Variants in ABCC9 observed in about 807,000 individuals in gnomAD.
The protein encoded by ABCC9 is ATP-binding cassette sub-family C member 9.
A neutral mutation model predicts 188.3 loss-of-function variants in ABCC9; 95 were observed. That is an observed-to-expected ratio of 0.50 (90% confidence interval 0.43 to 0.60). ABCC9 has a LOEUF of 0.60. Ranked by LOEUF, ABCC9 falls within the 20% of genes least tolerant of loss-of-function variation. ABCC9 has a pLI of 0.00. For synonymous variants in ABCC9, 659 were observed against 652.7 expected (o/e 1.01, Z -0.15); for missense variants, 1,102 against 1,876.3 (o/e 0.59, Z 7.62).
intron 22 of ABCC9, among the ~76,000 whole-genome samples, chr12:21,857,014 C>A (rs1945260342): frequency 1.3e-5 from 2 of 152,126 alleles, no homozygotes; most frequent in Admixed American, 1.3e-4. Flanking sequence ...TGGGATAATA[C>A]TGTACCTTGT....
intron 31 of ABCC9, among the ~76,000 whole-genome samples, chr12:21,820,720 G>GGTCTCT (rs1942989227): frequency 6.6e-6 from 1 of 151,980 alleles, no homozygotes; most frequent in South Asian, 2.1e-4. Flanking sequence ...CTTGTCGGTA[G>GGTCTCT]GTCTCTGATA....
intron 21 of ABCC9, among the ~76,000 whole-genome samples, chr12:21,860,561 T>C (rs535886425): frequency 6.6e-6 from 1 of 152,242 alleles, no homozygotes; most frequent in South Asian, 2.1e-4. Flanking sequence ...ATGACATCAA[T>C]GCAAAACATG....
intron 39 of ABCC9, among the ~76,000 whole-genome samples, chr12:21,803,119 A>G (rs1486309183): frequency 2.0e-5 from 3 of 151,830 alleles, no homozygotes; most frequent in African/African-American, 7.2e-5. Flanking sequence ...AAGATTTTGG[A>G]GCCTAATGTT....
At chr12:21,875,573 T>C in intron 17 of ABCC9, 81 bp downstream of exon 17, 3 of 1,068,824 alleles carry the variant, frequency 2.8e-6, no homozygotes, top group Non-Finnish European at 4.3e-6. Context: ...AAAAAGTATC[T>C]TTTTGTTAGG....
chr12:21,930,092 T>A (rs758601308), intron 4 of ABCC9, among the ~76,000 whole-genome samples: 5 of 151,734 alleles, frequency 3.3e-5, no homozygotes, highest in Non-Finnish European at 5.9e-5. Context: ...TGTTTGGTTG[T>A]CTTTGCAATA....
At position 21,915,863 on chromosome 12, in the gene ABCC9, G is replaced by A; in HGVS notation, c.621C>T (p.Asp207=). The A allele has an allele frequency of 1.2e-6, 2 of 1,612,882 alleles. No individual in the cohort carries two copies. Among genetic ancestry groups the A allele is most frequent in the Non-Finnish European group, 1.7e-6 (2 of 1,179,258 alleles). ...MNPQKVKPPE[D]LQDLGVRFLQ... ...GAAATCTCACTCCCAGATCCTGGAG[G>A]TCTTCAGGAGGCTTTACTTTCTGAG... Residue 207 remains aspartate (D), a synonymous_variant, in exon 7 of 40, where the codon GAC becomes GAT. Transcript: ENST00000261200.
intron 30 of ABCC9, among the ~76,000 whole-genome samples, chr12:21,837,461 A>G (rs1944161784): frequency 6.6e-6 from 1 of 152,214 alleles, no homozygotes; most frequent in African/African-American, 2.4e-5. Context: ...AATTTTCTAG[A>G]TTAAATGAAA....
chr12:21,873,714 G>A (rs1258504005), intron 17 of ABCC9, among the ~76,000 whole-genome samples: 3 of 152,082 alleles, frequency 2.0e-5, no homozygotes, highest in African/African-American at 7.2e-5. Flanking sequence ...CATAAAGACA[G>A]ATGCATATAT....
intron 16 of ABCC9, among the ~76,000 whole-genome samples, chr12:21,876,010 C>G (rs1229141779): frequency 6.6e-6 from 1 of 152,084 alleles, no homozygotes; most frequent in Non-Finnish European, 1.5e-5. Flanking sequence ...CGAGATCGCG[C>G]CACTGCACTC....
chr12:21,837,486 ATCT>A (rs1229577024), intron 30 of ABCC9, among the ~76,000 whole-genome samples: 15 of 152,212 alleles, frequency 9.9e-5, no homozygotes, highest in Non-Finnish European at 1.8e-4. Context: ...CAGTAATATC[ATCT>A]TCTTTGCTAA....
In ABCC9 at chr12:21,840,937, C is replaced by T. The variant is rs373217997; in HGVS notation, c.3473+1377G>A. Reference sequence around the variant, plus strand: ...CTCCTACTTTCTTTCACCTTCCTTGCACTCAAGTCATATTAACATTTTCAA... The same window carrying T: ...CTCCTACTTTCTTTCACCTTCCTTGTACTCAAGTCATATTAACATTTTCAA... On this transcript the variant is annotated intron_variant, in intron 29 of 39. Coordinates refer to ENST00000261200, the MANE Select transcript of ABCC9 (RefSeq NM_020297.4). Among the ~76,000 whole-genome samples, 29 of 152,332 alleles carry T rather than the reference C, an allele frequency of 1.9e-4. 2 individuals are homozygous for T. The highest frequency in any genetic ancestry group is 7.0e-4 in the African/African-American group (29 of 41,576).
intron 39 of ABCC9, among the ~76,000 whole-genome samples, chr12:21,803,656 CA>C (rs3061809): frequency 0.037 from 3,159 of 84,594 alleles, 32 homozygotes; most frequent in African/African-American, 0.1. Flanking sequence ...ACTCTGTCTC[CA>C]AAAAAAAAAA....
intron 14 of ABCC9, 152 bp downstream of exon 14, chr12:21,893,880 A>T: frequency 1.3e-6 from 1 of 796,478 alleles, no homozygotes; most frequent in East Asian, 2.8e-5. Context: ...GAAATAAATA[A>T]AAGACTGAAA....
rs536748638 is a variant in ABCC9 at position 21,799,259 on chromosome 12, TAAAA to T, written c.*1781_*1784del. The stretch of plus-strand genomic sequence containing the variant: ...ACTTAAAGTATATTAAAAAAAAAAT[TAAAA>T]AAAAAAAAGAAAAAAAAAAGATTAC... On this transcript the variant is annotated 3_prime_UTR_variant, in exon 40 of 40. Transcript: ENST00000261200. The T allele has an allele frequency of 2.5e-5, 3 of 118,440 alleles. No individual in the cohort carries two copies. Among genetic ancestry groups the T allele is most frequent in the African/African-American group, 6.3e-5 (2 of 31,862 alleles). The allele number at this position is 118,440 out of a possible 1,614,324, so 7.3% of individuals were successfully genotyped here. A position where few individuals can be genotyped will look rare whatever the true frequency, so the allele number is the denominator to read the frequency against.
At chr12:21,836,500 C>T (rs1944104541) in intron 30 of ABCC9, among the ~76,000 whole-genome samples, 1 of 152,146 alleles carries the variant, frequency 6.6e-6, no homozygotes, top group South Asian at 2.1e-4. Context: ...TCTGCCAGGT[C>T]AATTATTCCT....
At chr12:21,804,365 ATTC>A (rs1222425798) in intron 39 of ABCC9, among the ~76,000 whole-genome samples, 2 of 152,144 alleles carry the variant, frequency 1.3e-5, no homozygotes, top group East Asian at 3.9e-4. Flanking sequence ...AGTAGGGAAA[ATTC>A]TTCTTTTGAA....
intron 14 of ABCC9, among the ~76,000 whole-genome samples, chr12:21,893,406 T>C (rs1333037252): frequency 6.6e-6 from 1 of 152,192 alleles, no homozygotes; most frequent in African/African-American, 2.4e-5. Flanking sequence ...ACATTCTCTG[T>C]CACTATTGTT....
intron 18 of ABCC9, among the ~76,000 whole-genome samples, chr12:21,867,068 A>C (rs1945818489): frequency 6.6e-6 from 1 of 152,038 alleles, no homozygotes; most frequent in South Asian, 2.1e-4. Context: ...GGATTTACGT[A>C]TATTTTCCTT....
At chr12:21,805,874 G>A in intron 39 of ABCC9, 124 bp downstream of exon 39, 1 of 981,510 alleles carries the variant, frequency 1.0e-6, no homozygotes, top group African/African-American at 1.6e-5. Flanking sequence ...TTTTTGCACA[G>A]ATACAGAAAC....
Sources: gnomAD v4.1 joint callset for allele counts (sites outside exome capture counted in the v4.1 genomes callset) on GRCh38, gnomAD v4.1.1 for gene constraint, MANE v1.5 for transcripts, NCBI Gene and HGNC (gene_info 2026-07-23, HGNC 2026-07-21) for gene names.